The following PLAAT5 variants were observed in gnomAD, a reference collection of about 807,000 sequenced individuals.
The protein encoded by PLAAT5 is Ca(2+)-independent N-acyltransferase.
Under a neutral mutation model 27.8 loss-of-function variants are expected in PLAAT5, and 27 were observed. The ratio of observed to expected loss-of-function variants is 0.97; its 90% confidence interval spans 0.72 to 1.34. The LOEUF is 1.34. Ranked by LOEUF, PLAAT5 falls within the 40% of genes most tolerant of loss-of-function variation. The probability of loss-of-function intolerance (pLI) is 0.00; values close to 1 mark genes in which losing one functional copy is unlikely to be tolerated. For synonymous variants in PLAAT5, 125 were observed against 136.1 expected (o/e 0.92, Z 0.57); for missense variants, 368 against 343.8 (o/e 1.07, Z -0.56).
intron 4 of PLAAT5, among the ~76,000 whole-genome samples, chr11:63,466,993 T>C (rs2015883696): frequency 6.6e-6 from 1 of 152,196 alleles, no homozygotes; most frequent in African/African-American, 2.4e-5. Context: ...TGCTACATTA[T>C]CATATTCAGC....
chr11:63,491,159 A>C lies in PLAAT5; in HGVS notation c.-125T>G. 1.2e-6 allele frequency: 1 copy of C among 842,252 alleles called. No homozygotes were observed. Among genetic ancestry groups the C allele is most frequent in the Non-Finnish European group, 1.6e-6 (1 of 607,304 alleles). 52.2% of individuals were successfully genotyped at this position (842,252 alleles called of 1,614,324 possible). On this transcript the variant is annotated 5_prime_UTR_variant, in exon 1 of 6. Transcript: ENST00000540857. ...CTTGGGCACTGGGGGCGGCTCGGGG[A>C]GGAACCGCGGAGGGGAAAGCGCCGC...
intron 3 of PLAAT5, among the ~76,000 whole-genome samples, chr11:63,485,410 A>G (rs1045015824): frequency 4.6e-5 from 7 of 152,238 alleles, no homozygotes; most frequent in African/African-American, 1.4e-4. Context: ...CCAAAACAGC[A>G]TGGTACTGGT....
chr11:63,478,324 T>TC (rs1565212865), intron 3 of PLAAT5, among the ~76,000 whole-genome samples: 1 of 151,544 alleles, frequency 6.6e-6, no homozygotes, highest in Non-Finnish European at 1.5e-5. Context: ...CAATAGACTT[T>TC]CTTTTTTTTT....
intron 1 of PLAAT5, chr11:63,490,535 CT>C: frequency 1.3e-6 from 1 of 781,396 alleles, no homozygotes; most frequent in South Asian, 1.7e-5. Flanking sequence ...CAAAGAGAGA[CT>C]TTGGGATTCC....
intron 3 of PLAAT5, among the ~76,000 whole-genome samples, chr11:63,475,638 CTA>C (rs2016134720): frequency 6.6e-6 from 1 of 151,918 alleles, no homozygotes; most frequent in Non-Finnish European, 1.5e-5. Context: ...GGATTTATGA[CTA>C]TAATTTTACT....
chr11:63,465,236 A>G lies in PLAAT5; in HGVS notation c.717+874T>C, dbSNP rs577640213. Among the ~76,000 whole-genome samples, 168 of 152,176 alleles carry G rather than the reference A, an allele frequency of 1.1e-3. 2 individuals are homozygous for G. Among genetic ancestry groups the G allele is most frequent in the Admixed American group, 1.0e-3 (16 of 15,290 alleles). ...GGAGGTTGCAGTGAGCCGAGATTGCACTACTGCACTCCAACTTGGGCGACA... is the reference window on the plus strand; with the variant it reads ...GGAGGTTGCAGTGAGCCGAGATTGCGCTACTGCACTCCAACTTGGGCGACA... On this transcript the variant is annotated intron_variant, in intron 5 of 5. Coordinates refer to ENST00000540857, the MANE Select transcript of PLAAT5 (RefSeq NM_001146729.2).
Position 63,481,996 on chromosome 11 carries a change from T to C in PLAAT5, c.345+6875A>G, listed in dbSNP as rs1002551671. Among the ~76,000 whole-genome samples the C allele has an allele frequency of 2.6e-5, 4 of 152,152 alleles. No individual in the cohort carries two copies. In the East Asian group the frequency reaches 5.8e-4, roughly 22 times the overall value. Reference sequence around the variant, plus strand: ...AGGTGCAGCGCACCAACATGGCACATGTATACATATGTAACAAACCTGCAC... The same window carrying C: ...AGGTGCAGCGCACCAACATGGCACACGTATACATATGTAACAAACCTGCAC... On this transcript the variant is annotated intron_variant, in intron 3 of 5. Transcript: ENST00000540857.
intron 5 of PLAAT5, among the ~76,000 whole-genome samples, chr11:63,465,893 G>A (rs756195132): frequency 3.9e-5 from 6 of 152,112 alleles, no homozygotes; most frequent in African/African-American, 9.7e-5. Context: ...GGCTCCAATC[G>A]CTGGTCTTAC....
intron 3 of PLAAT5, among the ~76,000 whole-genome samples, chr11:63,474,750 T>C (rs1309419389): frequency 6.6e-6 from 1 of 151,904 alleles, no homozygotes; most frequent in African/African-American, 2.4e-5. Flanking sequence ...AGGTAGGAGC[T>C]TAGATTATTG....
intron 2 of PLAAT5, 88 bp downstream of exon 2, chr11:63,490,155 T>A: frequency 6.3e-7 from 1 of 1,577,786 alleles, no homozygotes; most frequent in East Asian, 2.3e-5. Context: ...AAAAACCACC[T>A]CTGGGTTTGT....
rs371122295 is a variant in PLAAT5, at chr11:63,479,685, A to G, written c.345+9186T>C. ...ATACACACATGACACAGGAGACCCC[A>G]TAGGCCCATCCTCACTGTTACAGTA... On this transcript the variant is annotated intron_variant, in intron 3 of 5. Transcript: ENST00000540857. Among the ~76,000 whole-genome samples, 34 of 152,334 alleles carry G rather than the reference A, an allele frequency of 2.2e-4. No homozygotes were observed. The South Asian group carries it at 7.1e-3, about 32-fold the overall frequency.
chr11:63,474,116 T>C (rs922316671), intron 3 of PLAAT5, among the ~76,000 whole-genome samples: 1 of 152,200 alleles, frequency 6.6e-6, no homozygotes, highest in Non-Finnish European at 1.5e-5. Flanking sequence ...TTGCTAGCAT[T>C]TTTCTGAGGG....
At chr11:63,483,783 AAATATATATATATATATG>A (rs2016345468) in intron 3 of PLAAT5, among the ~76,000 whole-genome samples, 1 of 96,224 alleles carries the variant, frequency 1.0e-5, no homozygotes, top group Non-Finnish European at 1.9e-5. Flanking sequence ...AGCAAAAAAA[AAATATATATATATATATG>A]TATATATATA....
intron 3 of PLAAT5, among the ~76,000 whole-genome samples, chr11:63,475,244 T>C (rs890023435): frequency 6.6e-5 from 10 of 152,118 alleles, no homozygotes; most frequent in Admixed American, 6.5e-5. Context: ...GAGTGGGGTA[T>C]TGAAGTCTCC....
intron 3 of PLAAT5, among the ~76,000 whole-genome samples, chr11:63,473,603 T>A (rs1489558367): frequency 6.6e-6 from 1 of 152,216 alleles, no homozygotes; most frequent in Non-Finnish European, 1.5e-5. Flanking sequence ...AGAGAATTTT[T>A]TTTTATCATG....
At chr11:63,472,642 T>C (rs1486283297) in intron 3 of PLAAT5, among the ~76,000 whole-genome samples, 1 of 152,260 alleles carries the variant, frequency 6.6e-6, no homozygotes, top group Non-Finnish European at 1.5e-5. Flanking sequence ...CAATGTTTTG[T>C]AGCCTAACAT....
chr11:63,465,652 T>C (rs1322492234), intron 5 of PLAAT5, among the ~76,000 whole-genome samples: 1 of 151,796 alleles, frequency 6.6e-6, no homozygotes, highest in African/African-American at 2.4e-5. Context: ...TAACTGGGTG[T>C]GGTGATGCAC....
intron 3 of PLAAT5, among the ~76,000 whole-genome samples, chr11:63,477,899 A>C (rs1201113561): frequency 6.6e-6 from 1 of 152,174 alleles, no homozygotes; most frequent in African/African-American, 2.4e-5. Context: ...ATTCATTCAA[A>C]GTTCCAGATT....
At chr11:63,487,215 A>G (rs1161876353) in intron 3 of PLAAT5, among the ~76,000 whole-genome samples, 2 of 152,246 alleles carry the variant, frequency 1.3e-5, no homozygotes, top group African/African-American at 4.8e-5. Flanking sequence ...GTACTTGTAT[A>G]CAGAACTTCT....
Sources: allele counts gnomAD v4.1 joint callset (sites outside exome capture counted in the v4.1 genomes callset), GRCh38; gene constraint gnomAD v4.1.1; transcripts MANE v1.5; gene names NCBI Gene and HGNC (gene_info 2026-07-23, HGNC 2026-07-21).